SLC2A14: variants seen among roughly 807,000 people sequenced by gnomAD.
SLC2A14 encodes solute carrier family 2 member 14.
In SLC2A14, 13 loss-of-function variants were observed where a neutral mutation model predicts 43.0. The observed-to-expected ratio is 0.30, with a 90% CI of 0.20 to 0.48. The LOEUF (loss-of-function observed/expected upper bound fraction) is 0.48. Among genes scored for constraint, SLC2A14 ranks in the 20% least tolerant of loss-of-function variants. SLC2A14 has a pLI of 0.99. For synonymous variants in SLC2A14, 190 were observed against 233.8 expected, an observed-to-expected ratio of 0.81 and a Z score of 1.71; for missense variants, 428 against 620.4, an observed-to-expected ratio of 0.69 and a Z score of 3.29.
chr12:7,855,653 G>A (rs1442162549), intron 2 of SLC2A14, among the ~76,000 whole-genome samples: 1 of 149,190 alleles, frequency 6.7e-6, no homozygotes, highest in Non-Finnish European at 1.5e-5. Flanking sequence ...CTTTGTTTTT[G>A]TTGAGACAGG....
upstream of SLC2A14, among the ~76,000 whole-genome samples, chr12:7,874,784 T>A (rs191826207): frequency 1.3e-5 from 1 of 78,852 alleles, no homozygotes; most frequent in Admixed American, 1.5e-4. Flanking sequence ...TATATAAATA[T>A]ATAAATATAT....
At chr12:7,886,181 T>G (rs1469710974) in intron 1 of SLC2A14, among the ~76,000 whole-genome samples, 2 of 54,396 alleles carry the variant, frequency 3.7e-5, no homozygotes, top group Admixed American at 2.0e-4. Flanking sequence ...TTTTTTTTTT[T>G]GAGACAAGGT....
At chr12:7,815,824 C>T (rs142210104) in intron 10 of SLC2A14, among the ~76,000 whole-genome samples, 4 of 152,186 alleles carry the variant, frequency 2.6e-5, no homozygotes, top group African/African-American at 9.6e-5. Context: ...GATCCTCTCG[C>T]CTTGGTCTCC....
chr12:7,825,025 C>T (rs1314381942), intron 7 of SLC2A14, among the ~76,000 whole-genome samples: 1 of 152,050 alleles, frequency 6.6e-6, no homozygotes, highest in Non-Finnish European at 1.5e-5. Context: ...CAATTTCCAG[C>T]CCTCTTACAC....
At chr12:7,878,648 T>G (rs1438315874) in intron 1 of SLC2A14, among the ~76,000 whole-genome samples, 2 of 151,964 alleles carry the variant, frequency 1.3e-5, no homozygotes, top group Non-Finnish European at 1.5e-5. Context: ...AATAAAAACA[T>G]AGTGAAATAT....
Position 7,856,155 on chromosome 12 carries a change from T to C in SLC2A14, c.18+13708A>G, listed in dbSNP as rs1192625893. 2.0e-5 allele frequency: 3 copies of C among 152,282 alleles called. No homozygotes were observed. In the East Asian group the frequency reaches 5.8e-4, roughly 29 times the overall value. 9.4% of individuals were successfully genotyped at this position (152,282 alleles called of 1,614,324 possible). A position where few individuals can be genotyped will look rare whatever the true frequency, so the allele number is the denominator to read the frequency against. On this transcript the variant is annotated intron_variant, in intron 2 of 10. Coordinates refer to ENST00000431042, the MANE Select transcript of SLC2A14 (RefSeq NM_001286234.2). ...GTTTTGTTTCCTAAAACTGGTTTTC[T>C]TAAGAATGTGCCTGCCCAGTCGTAG...
chr12:7,883,790 G>T (rs774572946), intron 1 of SLC2A14, among the ~76,000 whole-genome samples: 2 of 137,378 alleles, frequency 1.5e-5, no homozygotes, highest in South Asian at 4.7e-4. Context: ...TCACCATGTT[G>T]GCCAAGATGG....
chr12:7,857,584 A>T (rs930381075), intron 2 of SLC2A14, among the ~76,000 whole-genome samples: 6 of 152,146 alleles, frequency 3.9e-5, no homozygotes, highest in African/African-American at 1.4e-4. Context: ...GTGAAACTCC[A>T]TCTCAAAACA....
At chr12:7,815,221 G>A (rs1863328307) in intron 10 of SLC2A14, among the ~76,000 whole-genome samples, 1 of 151,654 alleles carries the variant, frequency 6.6e-6, no homozygotes, top group East Asian at 2.0e-4. Context: ...GACCAGCCTG[G>A]CCAACATGGC....
intron 2 of SLC2A14, among the ~76,000 whole-genome samples, chr12:7,864,244 C>T (rs1378291860): frequency 6.6e-6 from 1 of 152,128 alleles, no homozygotes; most frequent in Admixed American, 6.6e-5. Flanking sequence ...TCACCATATA[C>T]ATGGGGCCTT....
chr12:7,848,097 T>C (rs754724380), intron 2 of SLC2A14, among the ~76,000 whole-genome samples: 2 of 152,258 alleles, frequency 1.3e-5, no homozygotes, highest in Non-Finnish European at 2.9e-5. Flanking sequence ...AGAATCTAGC[T>C]AAGCATAGAG....
chr12:7,824,199 T>C (rs1261287379), intron 7 of SLC2A14, among the ~76,000 whole-genome samples: 4 of 151,954 alleles, frequency 2.6e-5, no homozygotes. Context: ...GAGGTTGCAG[T>C]GAGCCGAGAT....
intron 2 of SLC2A14, among the ~76,000 whole-genome samples, chr12:7,839,320 C>T (rs1243482743): frequency 7.0e-6 from 1 of 142,302 alleles, no homozygotes; most frequent in Non-Finnish European, 1.5e-5. Context: ...CTGAAAACAG[C>T]ATTTCAAACA....
intron 1 of SLC2A14, among the ~76,000 whole-genome samples, chr12:7,881,323 C>A (rs1336085912): frequency 6.6e-6 from 1 of 152,002 alleles, no homozygotes. Flanking sequence ...TGCTTGCGGG[C>A]CAGCACGAGT....
chr12:7,845,863 G>A (rs763661941), intron 2 of SLC2A14, among the ~76,000 whole-genome samples: 6 of 151,500 alleles, frequency 4.0e-5, no homozygotes, highest in South Asian at 2.1e-4. Flanking sequence ...ATGCCAAGGC[G>A]GGTGGATTTC....
intron 2 of SLC2A14, among the ~76,000 whole-genome samples, chr12:7,859,738 C>A (rs769432891): frequency 6.6e-6 from 1 of 152,064 alleles, no homozygotes; most frequent in Non-Finnish European, 1.5e-5. Flanking sequence ...ATGGCATGCA[C>A]TGAAAAGAAG....
upstream of SLC2A14, chr12:7,873,433 G>C: frequency 2.3e-6 from 2 of 875,798 alleles, no homozygotes; most frequent in Non-Finnish European, 1.4e-6. Flanking sequence ...CTTGAGGTCA[G>C]GGGTTCGAGA....
At position 7,861,431 on chromosome 12, in the gene SLC2A14, CT is replaced by C. The variant is rs1372676307; in HGVS notation, c.18+8431del. Among the ~76,000 whole-genome samples, 7 of 152,154 alleles carry C rather than the reference CT, an allele frequency of 4.6e-5. No homozygotes were observed. In the Middle Eastern group the frequency reaches 0.014, roughly 296 times the overall value. ...AGTACCACTGCTAGCTTTTCCATTG[CT>C]TTTGTGCAAATTAGGCAAAGGTGCC... is the stretch of plus-strand genomic sequence containing the variant. On this transcript the variant is annotated intron_variant, in intron 2 of 10. Coordinates refer to ENST00000431042, the MANE Select transcript of SLC2A14 (RefSeq NM_001286234.2).
intron 3 of SLC2A14, among the ~76,000 whole-genome samples, chr12:7,832,259 C>G (rs1415646440): frequency 6.6e-6 from 1 of 152,126 alleles, no homozygotes; most frequent in Non-Finnish European, 1.5e-5. Flanking sequence ...TCCTGAATAT[C>G]CCAGTAGGTG....
Sources: allele counts gnomAD v4.1 joint callset (sites outside exome capture counted in the v4.1 genomes callset), GRCh38; gene constraint gnomAD v4.1.1; transcripts MANE v1.5; gene names NCBI Gene and HGNC (gene_info 2026-07-23, HGNC 2026-07-21).